The following UMPS variants were observed in gnomAD, a reference collection of about 807,000 sequenced individuals.
The protein encoded by UMPS is uridine 5'-monophosphate synthase.
UMPS carries 21 observed loss-of-function variants against 38.9 expected under a neutral mutation model. The ratio of observed to expected loss-of-function variants is 0.54; its 90% CI spans 0.38 to 0.78. The LOEUF (loss-of-function observed/expected upper bound fraction) is 0.78, where lower values mean the gene tolerates loss of function less well. UMPS is among the 30% of genes least tolerant of loss of function. UMPS has a pLI of 0.00. For synonymous variants in UMPS, 208 were observed against 219.3 expected, an observed-to-expected ratio of 0.95 and a Z score of 0.45; for missense variants, 533 against 591.6, an observed-to-expected ratio of 0.90 and a Z score of 1.03.
chr3:124,747,896 GAGTA>G lies in UMPS; in HGVS notation c.*3814_*3817del, dbSNP rs1157260932. The G allele has an allele frequency of 4.4e-6, 2 of 453,558 alleles. No individual in the cohort carries two copies. Among genetic ancestry groups the G allele is most frequent in the Non-Finnish European group, 8.8e-6 (2 of 226,506 alleles). The allele number at this position is 453,558 out of a possible 1,614,324, so 28.1% of individuals were successfully genotyped here. On this transcript the variant is annotated 3_prime_UTR_variant, in exon 6 of 6. Transcript: ENST00000232607. Reference sequence around the variant, plus strand: ...AGTGTCAGTCATTGAAAATGACCATGAGTAACCCTGTGGACTCTCTGCAGCTTGG... The same window carrying G: ...AGTGTCAGTCATTGAAAATGACCATGACCCTGTGGACTCTCTGCAGCTTGG...
chr3:124,732,322 A>T (rs2063485432), intron 1 of UMPS: 1 of 154,060 alleles, frequency 6.5e-6, no homozygotes, highest in Non-Finnish European at 1.5e-5. Context: ...AATAATTAAG[A>T]CTAGAAGGTG....
At chr3:124,730,993 C>A (rs931174179) in intron 1 of UMPS, among the ~76,000 whole-genome samples, 1 of 152,116 alleles carries the variant, frequency 6.6e-6, no homozygotes, top group Non-Finnish European at 1.5e-5. Flanking sequence ...CTTTGGGATG[C>A]CTAAGTGGGC....
At position 124,745,776 on chromosome 3, in the gene UMPS, C is replaced by G. The variant is rs1000600087; in HGVS notation, c.*1692C>G. ...AAACTTGCAGGAATCTCTTAGGTGT[C>G]TTCAGTGTTGGAGTGATATGTTGAG... On this transcript the variant is annotated 3_prime_UTR_variant, in exon 6 of 6. Transcript: ENST00000232607. 6 of 453,954 alleles carry G rather than the reference C, an allele frequency of 1.3e-5. No homozygotes were observed. The highest frequency in any genetic ancestry group is 1.2e-4 in the African/African-American group (6 of 49,988). 28.1% of individuals were successfully genotyped at this position (453,954 alleles called of 1,614,324 possible). A position where few individuals can be genotyped will look rare whatever the true frequency, so the allele number is the denominator to read the frequency against.
intron 1 of UMPS, among the ~76,000 whole-genome samples, chr3:124,730,969 G>C (rs999985565): frequency 6.6e-6 from 1 of 152,150 alleles, no homozygotes; most frequent in Non-Finnish European, 1.5e-5. Context: ...TGCCTCATGA[G>C]AGTAATACCA....
At chr3:124,730,677 C>T in intron 1 of UMPS, 50 bp downstream of exon 1, 1 of 1,592,818 alleles carries the variant, frequency 6.3e-7, no homozygotes, top group Non-Finnish European at 8.6e-7. Context: ...GGAAGGAGGA[C>T]AAGGAAATGG....
intron 5 of UMPS, chr3:124,742,618 G>A (rs2063564566): frequency 4.5e-6 from 1 of 219,864 alleles, no homozygotes; most frequent in Non-Finnish European, 9.0e-6. Flanking sequence ...AGATATTATA[G>A]TTAGGGTCTA....
At chr3:124,732,713 T>C (rs934855242) in intron 1 of UMPS, among the ~76,000 whole-genome samples, 2 of 152,192 alleles carry the variant, frequency 1.3e-5, no homozygotes, top group African/African-American at 4.8e-5. Flanking sequence ...AGAAGACATA[T>C]AAGTTTCCTC....
chr3:124,744,411 T>C lies in UMPS; in HGVS notation c.*327T>C, dbSNP rs1277122878. 4.3e-6 allele frequency: 2 copies of C among 465,842 alleles called. No individual in the cohort carries two copies. The highest frequency in any genetic ancestry group is 3.1e-5 in the South Asian group (2 of 64,540). 28.9% of individuals were successfully genotyped at this position (465,842 alleles called of 1,614,324 possible). On this transcript the variant is annotated 3_prime_UTR_variant, in exon 6 of 6. Coordinates refer to ENST00000232607, the MANE Select transcript of UMPS (RefSeq NM_000373.4). ...ATGGGACTAGACTGCTTTGTTATTC[T>C]ATTTATTTTTTAATTTTTTTCGAGA...
chr3:124,730,566 T>A lies in UMPS; in HGVS notation c.95T>A (p.Leu32His). The A allele has an allele frequency of 1.2e-6, 2 of 1,613,902 alleles. No homozygotes were observed. The highest frequency in any genetic ancestry group is 1.7e-6 in the Non-Finnish European group (2 of 1,179,824). Residue 32 changes from leucine to histidine, a missense_variant, in exon 1 of 6, where the codon CTT becomes CAT. Coordinates refer to ENST00000232607, the MANE Select transcript of UMPS (RefSeq NM_000373.4). The part of the protein sequence containing the change: ...KFGDFVLKSG[L>H]SSPIYIDLRG... The stretch of plus-strand genomic sequence containing the variant: ...GGGGACTTCGTGCTGAAGAGCGGGC[T>A]TTCCTCCCCCATCTACATCGATCTG...
rs2063598109 is a variant in UMPS, at chr3:124,746,405, G to A, written c.*2321G>A. ...TCTGTTTCTGATTTGTATTTCTATT[G>A]TGAAGAGTCAGCCCAGTACTGCAGG... On this transcript the variant is annotated 3_prime_UTR_variant, in exon 6 of 6. Coordinates refer to ENST00000232607, the MANE Select transcript of UMPS (RefSeq NM_000373.4). 6.6e-6 allele frequency: 3 copies of A among 454,008 alleles called. No individual in the cohort carries two copies. Among genetic ancestry groups the A allele is most frequent in the Admixed American group, 2.3e-5 (1 of 42,560 alleles). The allele number at this position is 454,008 out of a possible 1,614,324, so 28.1% of individuals were successfully genotyped here.
chr3:124,739,082 T>C (rs886220244), intron 3 of UMPS, among the ~76,000 whole-genome samples: 8 of 152,226 alleles, frequency 5.3e-5, no homozygotes, highest in Non-Finnish European at 7.4e-5. Context: ...TGTCCTGCCC[T>C]CATCACATTG....
intron 2 of UMPS, 150 bp downstream of exon 2, chr3:124,735,396 G>A (rs1181555942): frequency 1.3e-6 from 1 of 786,104 alleles, no homozygotes; most frequent in Admixed American, 2.8e-5. Context: ...GTTACTATAA[G>A]TCACCTTCCT....
rs1451098340 is a variant in UMPS, at chr3:124,747,878, G to T, written c.*3794G>T. On this transcript the variant is annotated 3_prime_UTR_variant, in exon 6 of 6. Coordinates refer to ENST00000232607, the MANE Select transcript of UMPS (RefSeq NM_000373.4). ...CTTTAACACAGTGGACCAAGTGTCA[G>T]TCATTGAAAATGACCATGAGTAACC... 1 of 453,666 alleles carries T rather than the reference G, an allele frequency of 2.2e-6. No homozygotes were observed. The highest frequency in any genetic ancestry group is 2.3e-5 in the Admixed American group (1 of 42,556). 28.1% of individuals were successfully genotyped at this position (453,666 alleles called of 1,614,324 possible). A position where few individuals can be genotyped will look rare whatever the true frequency, so the allele number is the denominator to read the frequency against.
chr3:124,742,392 A>G lies in UMPS; in HGVS notation c.1273+126A>G. On this transcript the variant is annotated intron_variant, in intron 5 of 5. Transcript: ENST00000232607. Reference sequence around the variant, plus strand: ...CCTTCTTAGTCTAGAACAATAATGAATGAGCCCTTTGGTAACTATGTATCT... The same window carrying G: ...CCTTCTTAGTCTAGAACAATAATGAGTGAGCCCTTTGGTAACTATGTATCT... 3 of 740,012 alleles carry G rather than the reference A, an allele frequency of 4.1e-6. No homozygotes were observed. The Admixed American group carries it at 6.5e-5, about 16-fold the overall frequency. The allele number at this position is 740,012 out of a possible 1,614,324, so 45.8% of individuals were successfully genotyped here.
intron 2 of UMPS, 108 bp downstream of exon 2, chr3:124,735,354 T>G (rs1222772073): frequency 9.5e-7 from 1 of 1,056,294 alleles, no homozygotes; most frequent in African/African-American, 1.6e-5. Context: ...CTTGAGTTCT[T>G]TAAGTTGTTA....
intron 3 of UMPS, among the ~76,000 whole-genome samples, chr3:124,739,599 A>C (rs1040833008): frequency 2.6e-5 from 4 of 152,152 alleles, no homozygotes; most frequent in African/African-American, 4.8e-5. Context: ...CTCCCAAAGT[A>C]CTGGGATTAC....
chr3:124,746,574 G>A lies in UMPS; in HGVS notation c.*2490G>A, dbSNP rs1177673996. 2.2e-6 allele frequency: 1 copy of A among 454,066 alleles called. No homozygotes were observed. Among genetic ancestry groups the A allele is most frequent in the South Asian group, 1.6e-5 (1 of 64,478 alleles). The allele number at this position is 454,066 out of a possible 1,614,324, so 28.1% of individuals were successfully genotyped here. On this transcript the variant is annotated 3_prime_UTR_variant, in exon 6 of 6. Coordinates refer to ENST00000232607, the MANE Select transcript of UMPS (RefSeq NM_000373.4). ...CATTAGATAGTTTAACCCTTTCTCA[G>A]TCAAGGAATATTTACAGAACATGAT...
rs2063546169 is a variant in UMPS at position 124,740,114 on chromosome 3, G to A, written c.1073G>A (p.Gly358Asp). The change falls in exon 4 of 6, where the codon GGC becomes GAC. Residue 358 changes from glycine to aspartate, a missense_variant. By Grantham distance (94) the Gly-to-Asp change is moderately conservative. Coordinates refer to ENST00000232607, the MANE Select transcript of UMPS (RefSeq NM_000373.4). ...SGVVKGLQEVGLPLHRGCLLI... is the reference protein window; with the variant it reads ...SGVVKGLQEVDLPLHRGCLLI... ...GTTGTGAAAGGCCTGCAAGAAGTGG[G>A]CCTGCCTTTGCATCGGGGGTGCCTC... is the stretch of plus-strand genomic sequence containing the variant. 1 of 1,613,974 alleles carries A rather than the reference G, an allele frequency of 6.2e-7. No homozygotes were observed. Among genetic ancestry groups the A allele is most frequent in the Non-Finnish European group, 8.5e-7 (1 of 1,180,052 alleles).
Position 124,744,195 on chromosome 3 carries a change from A to G in UMPS, c.*111A>G, listed in dbSNP as rs779000652. 3.7e-6 allele frequency: 5 copies of G among 1,338,638 alleles called. No homozygotes were observed. The highest frequency in any genetic ancestry group is 1.9e-5 in the Admixed American group (1 of 53,300). The allele number at this position is 1,338,638 out of a possible 1,614,324, so 82.9% of individuals were successfully genotyped here. A position where few individuals can be genotyped will look rare whatever the true frequency, so the allele number is the denominator to read the frequency against. On this transcript the variant is annotated 3_prime_UTR_variant, in exon 6 of 6. Coordinates refer to ENST00000232607, the MANE Select transcript of UMPS (RefSeq NM_000373.4). ...ATTATTCCTGCTTGGATTCTTCCAC[A>G]GGGCCTGTGTAAGAATGGGTTCTGG...
Sources: gnomAD v4.1 joint callset for allele counts (sites outside exome capture counted in the v4.1 genomes callset) on GRCh38, gnomAD v4.1.1 for gene constraint, MANE v1.5 for transcripts, NCBI Gene and HGNC (gene_info 2026-07-23, HGNC 2026-07-21) for gene names.